RRAS2: variants seen among roughly 807,000 people sequenced by gnomAD.
RRAS2 encodes the protein RAS related 2.
In RRAS2, 7 loss-of-function variants were observed where a neutral mutation model predicts 27.6. The ratio of observed to expected loss-of-function variants is 0.25; its 90% CI spans 0.14 to 0.48. The LOEUF (loss-of-function observed/expected upper bound fraction) is 0.48, where lower values mean the gene tolerates loss of function less well. RRAS2 is among the 20% of genes least tolerant of loss of function. RRAS2 has a pLI of 0.99. For missense variants in RRAS2, 178 were observed against 256.2 expected, an observed-to-expected ratio of 0.69 and a Z score of 2.08; for synonymous variants, 86 against 90.9, an observed-to-expected ratio of 0.95 and a Z score of 0.31.
At chr11:14,319,838 A>C (rs1199965024) in intron 1 of RRAS2, among the ~76,000 whole-genome samples, 2 of 152,212 alleles carry the variant, frequency 1.3e-5, no homozygotes, top group Non-Finnish European at 2.9e-5. Flanking sequence ...TATTTTTCAG[A>C]GCGCAGAAAA....
chr11:14,300,275 T>C (rs1394209452), intron 1 of RRAS2, among the ~76,000 whole-genome samples: 1 of 152,192 alleles, frequency 6.6e-6, no homozygotes, highest in East Asian at 1.9e-4. Context: ...CCCGGTAGTA[T>C]GGATGGGCAA....
chr11:14,291,706 G>A (rs941455179), intron 4 of RRAS2, among the ~76,000 whole-genome samples: 4 of 151,358 alleles, frequency 2.6e-5, no homozygotes, highest in East Asian at 3.9e-4. Flanking sequence ...AAACTTCCAC[G>A]AAAAAAATTA....
Position 14,349,318 on chromosome 11 carries a change from A to AT in RRAS2, c.108+9444dup, listed in dbSNP as rs782247910. On this transcript the variant is annotated intron_variant, in intron 1 of 5. Coordinates refer to ENST00000256196, the MANE Select transcript of RRAS2 (RefSeq NM_012250.6). ...AGGCACCCGCCACCACACCCGGCTA[A>AT]TTTTTTTTTTTTTTTTGTATTTTTA... Among the ~76,000 whole-genome samples, 1,037 of 138,904 alleles carry AT rather than the reference A, an allele frequency of 7.5e-3. 11 individuals are homozygous for AT. Among genetic ancestry groups the AT allele is most frequent in the Middle Eastern group, 0.022 (6 of 268 alleles). 91.1% of individuals were successfully genotyped at this position (138,904 alleles called of 152,430 possible).
intron 5 of RRAS2, among the ~76,000 whole-genome samples, chr11:14,280,878 C>G (rs1431723085): frequency 2.0e-5 from 3 of 152,012 alleles, no homozygotes; most frequent in Non-Finnish European, 4.4e-5. Flanking sequence ...ATCCTACTCA[C>G]TAAAGCAACT....
chr11:14,304,066 G>A (rs1265250480), intron 1 of RRAS2, among the ~76,000 whole-genome samples: 2 of 152,112 alleles, frequency 1.3e-5, no homozygotes, highest in Non-Finnish European at 2.9e-5. Flanking sequence ...AGCAGCCTGA[G>A]GAAACACTAA....
chr11:14,326,543 C>G (rs1018782547), intron 1 of RRAS2, among the ~76,000 whole-genome samples: 5 of 152,086 alleles, frequency 3.3e-5, no homozygotes, highest in African/African-American at 7.2e-5. Context: ...ATCACCAATT[C>G]TGAAATTTGT....
chr11:14,304,816 T>A lies in RRAS2; in HGVS notation c.109-8961A>T, dbSNP rs1384227639. On this transcript the variant is annotated intron_variant, in intron 1 of 5. Transcript: ENST00000256196. ...CAGCTGTGAGCCAGAGCTGGGCTCC[T>A]CCTTGTGTCACTTTTTAGCAGCAGC... Among the ~76,000 whole-genome samples the A allele has an allele frequency of 2.6e-5, 4 of 152,340 alleles. No homozygotes were observed. In the East Asian group the frequency reaches 7.7e-4, roughly 29 times the overall value.
At chr11:14,323,959 A>T (rs1848285471) in intron 1 of RRAS2, among the ~76,000 whole-genome samples, 1 of 146,624 alleles carries the variant, frequency 6.8e-6, no homozygotes, top group South Asian at 2.3e-4. Context: ...GAAAAAGGAT[A>T]AGAAAATGTC....
intron 1 of RRAS2, among the ~76,000 whole-genome samples, chr11:14,299,793 T>TG (rs1847649129): frequency 6.6e-6 from 1 of 152,158 alleles, no homozygotes; most frequent in Admixed American, 6.5e-5. Flanking sequence ...AGAGAAGGAT[T>TG]GGGGCATTTT....
intron 1 of RRAS2, among the ~76,000 whole-genome samples, chr11:14,328,711 C>G (rs1554951467): frequency 2.6e-5 from 4 of 151,406 alleles, no homozygotes; most frequent in Non-Finnish European, 5.9e-5. Context: ...GTTGCCCAGA[C>G]TGGAGTGCAA....
intron 4 of RRAS2, among the ~76,000 whole-genome samples, chr11:14,286,861 A>T (rs1849672240): frequency 6.6e-6 from 1 of 152,260 alleles, no homozygotes; most frequent in South Asian, 2.1e-4. Flanking sequence ...ACAATTAACG[A>T]TAAGGAAGGA....
intron 1 of RRAS2, among the ~76,000 whole-genome samples, chr11:14,323,876 T>G (rs1308938943): frequency 1.3e-5 from 2 of 151,854 alleles, no homozygotes; most frequent in African/African-American, 4.8e-5. Context: ...GAACAGAATA[T>G]ATAGACTTTT....
intron 5 of RRAS2, among the ~76,000 whole-genome samples, chr11:14,279,625 T>C (rs1331096620): frequency 6.6e-6 from 1 of 152,196 alleles, no homozygotes; most frequent in Non-Finnish European, 1.5e-5. Context: ...GCTATGAAGC[T>C]GCTTTAATGG....
intron 4 of RRAS2, among the ~76,000 whole-genome samples, chr11:14,293,799 C>T (rs1475550341): frequency 1.3e-5 from 2 of 152,014 alleles, no homozygotes; most frequent in Admixed American, 6.6e-5. Context: ...AATGAACAGC[C>T]GGCATTAATA....
At chr11:14,315,021 C>T (rs1366362566) in intron 1 of RRAS2, among the ~76,000 whole-genome samples, 2 of 152,160 alleles carry the variant, frequency 1.3e-5, no homozygotes, top group Admixed American at 6.5e-5. Flanking sequence ...TTTAAATAGC[C>T]ATGGTTTTTG....
chr11:14,317,660 G>T (rs1049857636), intron 1 of RRAS2, among the ~76,000 whole-genome samples: 6 of 152,204 alleles, frequency 3.9e-5, no homozygotes, highest in African/African-American at 1.4e-4. Flanking sequence ...AAATTCAAAG[G>T]TAATTACTTT....
At chr11:14,336,587 C>A (rs913471760) in intron 1 of RRAS2, among the ~76,000 whole-genome samples, 2 of 152,140 alleles carry the variant, frequency 1.3e-5, no homozygotes, top group East Asian at 3.9e-4. Flanking sequence ...ATACAATAAT[C>A]AAAATAAAGA....
chr11:14,331,364 T>C (rs1848476136), intron 1 of RRAS2, among the ~76,000 whole-genome samples: 2 of 152,150 alleles, frequency 1.3e-5, no homozygotes, highest in Admixed American at 1.3e-4. Context: ...GAGGATCCAT[T>C]TCTACAGATA....
At chr11:14,314,806 A>G (rs1347823505) in intron 1 of RRAS2, among the ~76,000 whole-genome samples, 4 of 152,116 alleles carry the variant, frequency 2.6e-5, no homozygotes, top group African/African-American at 9.7e-5. Context: ...CTCCTGCCTC[A>G]GCCTCCAGAG....
Sources: gnomAD v4.1 joint callset for allele counts (sites outside exome capture counted in the v4.1 genomes callset) on GRCh38, gnomAD v4.1.1 for gene constraint, MANE v1.5 for transcripts, NCBI Gene and HGNC (gene_info 2026-07-23, HGNC 2026-07-21) for gene names.